The following JPH3 variants were observed in gnomAD, a reference collection of about 807,000 sequenced individuals.
JPH3 encodes junctophilin 3.
Under a neutral mutation model 59.6 loss-of-function variants are expected in JPH3, and 11 were observed. The ratio of observed to expected loss-of-function variants is 0.18; its 90% confidence interval spans 0.12 to 0.31. The LOEUF is 0.31. JPH3 is among the 10% of genes least tolerant of loss of function. JPH3 has a pLI of 1.00. For missense variants in JPH3, 1,202 were observed against 1,105.7 expected (o/e 1.09, Z -1.24); for synonymous variants, 673 against 483.6 (o/e 1.39, Z -5.14).
At chr16:87,670,270 G>T (rs2032981304) in intron 2 of JPH3, among the ~76,000 whole-genome samples, 1 of 152,200 alleles carries the variant, frequency 6.6e-6, no homozygotes, top group African/African-American at 2.4e-5. Flanking sequence ...GAATGGTGGT[G>T]CCTCCTGCAA....
chr16:87,676,245 C>G (rs944916748), intron 2 of JPH3, among the ~76,000 whole-genome samples: 9 of 152,206 alleles, frequency 5.9e-5, no homozygotes, highest in African/African-American at 2.2e-4. Context: ...AGAGCAAGGA[C>G]CTTGTTTGTG....
At chr16:87,648,332 G>A (rs568819315) in intron 2 of JPH3, among the ~76,000 whole-genome samples, 13 of 152,284 alleles carry the variant, frequency 8.5e-5, no homozygotes, top group Admixed American at 6.5e-5. Flanking sequence ...ACAGCCCCAG[G>A]GCCAACCCTC....
intron 1 of JPH3, among the ~76,000 whole-genome samples, chr16:87,634,923 C>T (rs1176773118): frequency 6.6e-6 from 1 of 152,236 alleles, no homozygotes; most frequent in African/African-American, 2.4e-5. Context: ...CTGTCTCTGC[C>T]TCAGTTTCCT....
At chr16:87,606,345 C>T (rs911497804) in intron 1 of JPH3, among the ~76,000 whole-genome samples, 4 of 152,378 alleles carry the variant, frequency 2.6e-5, no homozygotes, top group South Asian at 2.1e-4. Context: ...CAGCGGCCAG[C>T]GTATTCCACA....
chr16:87,642,109 G>A (rs1002676076), intron 1 of JPH3, among the ~76,000 whole-genome samples: 6 of 152,144 alleles, frequency 3.9e-5, no homozygotes, highest in African/African-American at 7.2e-5. Flanking sequence ...GGGGGGTGGC[G>A]GGTGAAGGTG....
chr16:87,635,099 G>T (rs1467328992), intron 1 of JPH3, among the ~76,000 whole-genome samples: 1 of 152,174 alleles, frequency 6.6e-6, no homozygotes, highest in Non-Finnish European at 1.5e-5. Context: ...AGAACTCATG[G>T]GTCGGGGCCG....
intron 1 of JPH3, among the ~76,000 whole-genome samples, chr16:87,612,636 A>C (rs891532972): frequency 6.6e-6 from 1 of 152,174 alleles, no homozygotes; most frequent in Non-Finnish European, 1.5e-5. Context: ...ATCTGGTCAC[A>C]GCAAGCAGGG....
intron 2 of JPH3, among the ~76,000 whole-genome samples, chr16:87,658,029 G>A (rs938910157): frequency 2.6e-5 from 4 of 152,146 alleles, no homozygotes; most frequent in African/African-American, 9.7e-5. Context: ...GGTGTGGAGG[G>A]GACTGGGGGC....
At chr16:87,646,068 C>A (rs1320675483) in intron 2 of JPH3, among the ~76,000 whole-genome samples, 1 of 152,162 alleles carries the variant, frequency 6.6e-6, no homozygotes, top group Non-Finnish European at 1.5e-5. Flanking sequence ...CCATGGGCTG[C>A]CCAGGCAGGA....
At chr16:87,647,398 G>C (rs1378879960) in intron 2 of JPH3, among the ~76,000 whole-genome samples, 1 of 152,076 alleles carries the variant, frequency 6.6e-6, no homozygotes, top group East Asian at 1.9e-4. Context: ...CAGACGGGTG[G>C]AGGGAGTGAG....
At chr16:87,657,516 T>A (rs1288059568) in intron 2 of JPH3, among the ~76,000 whole-genome samples, 1 of 152,186 alleles carries the variant, frequency 6.6e-6, no homozygotes, top group Admixed American at 6.5e-5. Context: ...GCCACTGAAC[T>A]GTGAACTTTA....
chr16:87,643,913 G>T (rs2032041078), intron 1 of JPH3, among the ~76,000 whole-genome samples: 1 of 152,180 alleles, frequency 6.6e-6, no homozygotes, highest in African/African-American at 2.4e-5. Context: ...GCTGAGGCAG[G>T]ATCACTTGAG....
chr16:87,612,586 C>G (rs762093348), intron 1 of JPH3, among the ~76,000 whole-genome samples: 4 of 152,204 alleles, frequency 2.6e-5, no homozygotes, highest in Admixed American at 1.3e-4. Flanking sequence ...TCCAAGACCA[C>G]TGACACTGGA....
intron 2 of JPH3, among the ~76,000 whole-genome samples, chr16:87,672,254 G>A (rs2150867233): frequency 6.6e-6 from 1 of 152,246 alleles, no homozygotes; most frequent in East Asian, 1.9e-4. Context: ...CACGCCGGGA[G>A]CCCTGCGCTT....
At chr16:87,629,417 T>G (rs2031488982) in intron 1 of JPH3, among the ~76,000 whole-genome samples, 2 of 147,452 alleles carry the variant, frequency 1.4e-5, no homozygotes, top group African/African-American at 4.9e-5. Context: ...ATCCCATCTT[T>G]GTGGGTTTTT....
At chr16:87,655,355 GTGT>G (rs2032463080) in intron 2 of JPH3, among the ~76,000 whole-genome samples, 1 of 50,096 alleles carries the variant, frequency 2.0e-5, no homozygotes, top group Non-Finnish European at 3.7e-5. Context: ...TTGTGACAGG[GTGT>G]TATTTTTTGT....
At chr16:87,633,862 T>C (rs1456460101) in intron 1 of JPH3, among the ~76,000 whole-genome samples, 1 of 151,998 alleles carries the variant, frequency 6.6e-6, no homozygotes, top group Non-Finnish European at 1.5e-5. Flanking sequence ...CTTATAGTCT[T>C]TTCTGAGGGT....
Position 87,690,242 on chromosome 16 carries a change from A to G in JPH3, c.1882A>G (p.Arg628Gly), listed in dbSNP as rs1259809251. The part of the protein sequence containing the change: ...LLRMETHPQK[R>G]RYSKGGACRG... The stretch of plus-strand genomic sequence containing the variant: ...GAGGATGGAGACGCATCCCCAGAAA[A>G]GACGCTACAGCAAGGGCGGCGCCTG... The change falls in exon 4 of 5, where the codon AGA (arginine) becomes GGA (glycine). Residue 628 changes from arginine (R) to glycine (G), a missense_variant. Arg to Gly is a moderately radical substitution (Grantham distance 125). Transcript: ENST00000284262. 3.1e-6 allele frequency: 5 copies of G among 1,605,008 alleles called. No individual in the cohort carries two copies. The South Asian group carries it at 5.6e-5, about 18-fold the overall frequency.
rs912600322 is a variant in JPH3 at position 87,611,162 on chromosome 16, A to G, written c.382+7634A>G. On this transcript the variant is annotated intron_variant, in intron 1 of 4. Coordinates refer to ENST00000284262, the MANE Select transcript of JPH3 (RefSeq NM_020655.4). The surrounding 1 kb of genome is among the most constrained non-coding windows in gnomAD (Gnocchi z 4.5). ...GAAAATGCAAGAAATAGGATGTCCT[A>G]TGTTCTACCAGGAAGAATAAGGAGT... is the stretch of plus-strand genomic sequence containing the variant. 2.0e-5 allele frequency among the ~76,000 whole-genome samples: 3 copies of G among 152,238 alleles called. No homozygotes were observed. Among genetic ancestry groups the G allele is most frequent in the Non-Finnish European group, 4.4e-5 (3 of 68,044 alleles).
Sources: allele counts gnomAD v4.1 joint callset (sites outside exome capture counted in the v4.1 genomes callset), GRCh38; gene constraint gnomAD v4.1.1; non-coding constraint Gnocchi (gnomAD v3.1); transcripts MANE v1.5; gene names NCBI Gene and HGNC (gene_info 2026-07-23, HGNC 2026-07-21).